NSUN7: variants seen among roughly 807,000 people sequenced by gnomAD.
The protein encoded by NSUN7 is protein NSUN7.
Under a neutral mutation model 58.5 loss-of-function variants are expected in NSUN7, and 39 were observed. The ratio of observed to expected loss-of-function variants is 0.67; its 90% CI spans 0.52 to 0.87. The LOEUF (loss-of-function observed/expected upper bound fraction) is 0.87, where lower values mean the gene tolerates loss of function less well. Ranked by LOEUF, NSUN7 falls within the 40% of genes least tolerant of loss-of-function variation. The pLI, the probability that NSUN7 is intolerant of heterozygous loss-of-function variation, is 0.00. For missense variants in NSUN7, 765 were observed against 844.1 expected (o/e 0.91, Z 1.16); for synonymous variants, 278 against 303.7 (o/e 0.92, Z 0.88).
At chr4:40,808,268 G>GC in intron 11 of NSUN7, 39 bp from the exon 12 acceptor site, 1 of 1,554,222 alleles carries the variant, frequency 6.4e-7, no homozygotes, top group South Asian at 1.2e-5. Context: ...CACAATAATA[G>GC]CTAACTCCCA....
At chr4:40,786,555 G>A in intron 7 of NSUN7, 2 of 1,613,300 alleles carry the variant, frequency 1.2e-6, no homozygotes, top group Non-Finnish European at 8.5e-7. Flanking sequence ...CAGAAATTGA[G>A]AAATTGTTAG....
chr4:40,786,558 A>G, intron 7 of NSUN7: 9 of 1,613,326 alleles, frequency 5.6e-6, no homozygotes, highest in Non-Finnish European at 7.6e-6. Flanking sequence ...AAATTGAGAA[A>G]TTGTTAGCAA....
At position 40,774,413 on chromosome 4, in the gene NSUN7, A is replaced by G. The variant is rs773225142; in HGVS notation, c.637A>G (p.Ile213Val). ...TTATGCTTGGATAAATACTTGTAAA[A>G]TCAGGTAAGTGTTTAAATCAAATTC... ...PLYAWINTCK[I>V]SPEEVYNNLK... The change falls in exon 5 of 12, where the codon ATC becomes GTC. Residue 213 changes from isoleucine (I) to valine (V), a missense_variant. Ile to Val is a conservative substitution (Grantham distance 29). Transcript: ENST00000381782. The G allele has an allele frequency of 6.2e-7, 1 of 1,612,768 alleles. No individual in the cohort carries two copies. The highest frequency in any genetic ancestry group is 2.2e-5 in the East Asian group (1 of 44,862).
At chr4:40,781,435 G>C (rs993710194) in intron 7 of NSUN7, among the ~76,000 whole-genome samples, 1 of 151,702 alleles carries the variant, frequency 6.6e-6, no homozygotes, top group African/African-American at 2.4e-5. Context: ...TTTCCTATTT[G>C]TTTGTTTGTT....
At chr4:40,761,149 T>A in intron 3 of NSUN7, 22 bp from the exon 4 acceptor site, 1 of 1,545,336 alleles carries the variant, frequency 6.5e-7, no homozygotes, top group Non-Finnish European at 8.7e-7. Flanking sequence ...TACTTTTCTT[T>A]ATATATGTTT....
chr4:40,800,285 A>T (rs1743525213), intron 10 of NSUN7, among the ~76,000 whole-genome samples: 1 of 152,140 alleles, frequency 6.6e-6, no homozygotes, highest in African/African-American at 2.4e-5. Flanking sequence ...TGGAGTGGTT[A>T]AAAGTAGGGA....
At chr4:40,783,771 C>T (rs1174523429) in intron 7 of NSUN7, among the ~76,000 whole-genome samples, 2 of 151,758 alleles carry the variant, frequency 1.3e-5, no homozygotes, top group Non-Finnish European at 2.9e-5. Flanking sequence ...TCACTTGGAC[C>T]CAGAAGGTGG....
chr4:40,780,128 A>G (rs1451368658), intron 7 of NSUN7, among the ~76,000 whole-genome samples: 1 of 152,052 alleles, frequency 6.6e-6, no homozygotes, highest in Non-Finnish European at 1.5e-5. Flanking sequence ...TAAAAATACA[A>G]AACTTAGCCG....
At chr4:40,786,045 A>G in intron 7 of NSUN7, 5 of 1,520,776 alleles carry the variant, frequency 3.3e-6, no homozygotes, top group Non-Finnish European at 4.4e-6. Context: ...TGGATCAGTT[A>G]CCAGGAGAAG....
intron 4 of NSUN7, among the ~76,000 whole-genome samples, chr4:40,761,649 T>C (rs1741467851): frequency 6.6e-6 from 1 of 152,134 alleles, no homozygotes; most frequent in Admixed American, 6.6e-5. Context: ...AGAAAACATC[T>C]AACATGAATC....
In NSUN7 at chr4:40,808,901, C is replaced by T. The variant is rs559119159; in HGVS notation, c.2119C>T (p.Pro707Ser). The change falls in exon 12 of 12, where the codon CCT becomes TCT. Residue 707 changes from proline (P) to serine (S), a missense_variant. Coordinates refer to ENST00000381782, the MANE Select transcript of NSUN7 (RefSeq NM_024677.6). ...RKEEKPKDDT[P>S]SSLLRPPRRW... The stretch of plus-strand genomic sequence containing the variant: ...AGAGGAAAAGCCTAAAGATGACACA[C>T]CTTCCTCCCTACTCAGGCCTCCTCG... 2 of 1,541,008 alleles carry T rather than the reference C, an allele frequency of 1.3e-6. No homozygotes were observed. Among genetic ancestry groups the T allele is most frequent in the Non-Finnish European group, 1.7e-6 (2 of 1,145,540 alleles).
rs758397031 is a variant in NSUN7, at chr4:40,808,417, G to A, written c.1635G>A (p.Lys545=). The part of the protein sequence containing the change: ...LGKSSKREKK[K]KKSKTSLTKG... The stretch of plus-strand genomic sequence containing the variant: ...AATCATCAAAACGGGAGAAGAAGAA[G>A]AAAAAATCAAAAACATCATTGACAA... The change falls in exon 12 of 12, where the codon AAG becomes AAA. Residue 545 remains lysine (K), a synonymous_variant. Transcript: ENST00000381782. 12 of 1,613,414 alleles carry A rather than the reference G, an allele frequency of 7.4e-6. No individual in the cohort carries two copies. Among genetic ancestry groups the A allele is most frequent in the African/African-American group, 1.3e-5 (1 of 74,858 alleles).
In NSUN7 at chr4:40,761,208, A is replaced by G; in HGVS notation, c.395A>G (p.Tyr132Cys). The change falls in exon 4 of 12, where the codon TAT (tyrosine) becomes TGT (cysteine). Residue 132 changes from tyrosine to cysteine, a missense_variant. By Grantham distance (194) the Tyr-to-Cys change is radical. Transcript: ENST00000381782. Reference protein sequence around the residue: ...HLSSLIIVMLYDFQDRKFQTR... With the variant: ...HLSSLIIVMLCDFQDRKFQTR... The stretch of plus-strand genomic sequence containing the variant: ...AGCAGTCTTATTATTGTGATGCTAT[A>G]TGATTTCCAAGATAGAAAATTTCAA... 1.3e-6 allele frequency: 2 copies of G among 1,585,224 alleles called. No homozygotes were observed. The highest frequency in any genetic ancestry group is 2.3e-5 in the East Asian group (1 of 43,624).
chr4:40,763,576 C>T (rs1402823470), intron 4 of NSUN7, among the ~76,000 whole-genome samples: 1 of 152,104 alleles, frequency 6.6e-6, no homozygotes, highest in Non-Finnish European at 1.5e-5. Context: ...GGGCTCTAAC[C>T]AAGTAAGAAA....
At chr4:40,752,729 T>C (rs750709651) in intron 2 of NSUN7, among the ~76,000 whole-genome samples, 29 of 44,010 alleles carry the variant, frequency 6.6e-4, no homozygotes, top group Non-Finnish European at 8.9e-4. Context: ...CCCCCATCTC[T>C]ATTTTTTAAA....
intron 7 of NSUN7, among the ~76,000 whole-genome samples, chr4:40,788,847 G>T (rs541430238): frequency 1.5e-3 from 228 of 152,224 alleles, no homozygotes; most frequent in African/African-American, 5.3e-3. Context: ...TCTCAGTCTT[G>T]GGGCTGAGGG....
chr4:40,770,532 G>C (rs56858776), intron 4 of NSUN7, among the ~76,000 whole-genome samples: 25,752 of 152,098 alleles, frequency 0.17, 2,669 homozygotes, highest in East Asian at 0.35. Flanking sequence ...ATCATAAACA[G>C]AGTTCATCAT....
Position 40,751,129 on chromosome 4 carries a change from G to T in NSUN7, c.298+138G>T, listed in dbSNP as rs539124928. On this transcript the variant is annotated intron_variant, in intron 2 of 11. Coordinates refer to ENST00000381782, the MANE Select transcript of NSUN7 (RefSeq NM_024677.6). The stretch of plus-strand genomic sequence containing the variant: ...GGCATGTGCATATCTTTGGTTAATT[G>T]CAAGTGTCAAGGAATTAGGGTTCCC... The T allele has an allele frequency of 2.4e-4, 211 of 897,518 alleles. 1 individual carries two copies. In the South Asian group the frequency reaches 3.6e-3, roughly 15 times the overall value. 55.6% of individuals were successfully genotyped at this position (897,518 alleles called of 1,614,324 possible).
chr4:40,774,911 A>G lies in NSUN7; in HGVS notation c.786A>G (p.Ile262Met). 1.6e-6 allele frequency: 2 copies of G among 1,240,808 alleles called. No homozygotes were observed. Among genetic ancestry groups the G allele is most frequent in the Non-Finnish European group, 2.4e-6 (2 of 847,160 alleles). The allele number at this position is 1,240,808 out of a possible 1,614,324, so 76.9% of individuals were successfully genotyped here. A position where few individuals can be genotyped will look rare whatever the true frequency, so the allele number is the denominator to read the frequency against. The change falls in exon 6 of 12, where the codon ATA (isoleucine) becomes ATG (methionine). Residue 262 changes from isoleucine (I) to methionine (M), a missense_variant. Transcript: ENST00000381782. ...CATCTCATCTTAAAAATGATCTTAT[A>G]AATATAGATCTTTTCAAAGATTACA... ...IFPSHLKNDLINIDLFKDYKL... is the reference protein window; with the variant it reads ...IFPSHLKNDLMNIDLFKDYKL...
Sources: allele counts gnomAD v4.1 joint callset (sites outside exome capture counted in the v4.1 genomes callset), GRCh38; gene constraint gnomAD v4.1.1; transcripts MANE v1.5; gene names NCBI Gene and HGNC (gene_info 2026-07-23, HGNC 2026-07-21).